FHIT: variants seen among roughly 807,000 people sequenced by gnomAD.
FHIT encodes fragile histidine triad diadenosine triphosphatase, also known as bis(5'-adenosyl)-triphosphatase.
A neutral mutation model predicts 17.9 loss-of-function variants in FHIT; 19 were observed. That is an observed-to-expected ratio of 1.06 (90% CI 0.74 to 1.56). The LOEUF is 1.56. Among genes scored for constraint, FHIT ranks in the 40% most tolerant of loss-of-function variants. FHIT has a pLI of 0.00. For missense variants in FHIT, 248 were observed against 189.2 expected, an observed-to-expected ratio of 1.31 and a Z score of -1.82; for synonymous variants, 81 against 69.7, an observed-to-expected ratio of 1.16 and a Z score of -0.81.
intron 4 of FHIT, among the ~76,000 whole-genome samples, chr3:60,569,533 T>G (rs1339452773): frequency 1.3e-5 from 2 of 151,646 alleles, no homozygotes; most frequent in African/African-American, 2.4e-5. Context: ...CCTTCATGTT[T>G]GAAGACACCA....
intron 8 of FHIT, among the ~76,000 whole-genome samples, chr3:59,757,731 A>C (rs1379942254): frequency 6.6e-6 from 1 of 152,182 alleles, no homozygotes; most frequent in East Asian, 1.9e-4. Flanking sequence ...CATTATTATC[A>C]CTTTTATAAA....
At chr3:60,467,003 A>C (rs1267246089) in intron 5 of FHIT, among the ~76,000 whole-genome samples, 2 of 151,766 alleles carry the variant, frequency 1.3e-5, no homozygotes, top group African/African-American at 2.4e-5. Context: ...CATCAAATCT[A>C]GCGCTTTTCT....
At chr3:60,128,303 T>TG (rs1487546676) in intron 5 of FHIT, among the ~76,000 whole-genome samples, 1 of 152,148 alleles carries the variant, frequency 6.6e-6, no homozygotes, top group Admixed American at 6.5e-5. Flanking sequence ...GCTATTCTTG[T>TG]GATAGTAAGT....
At chr3:60,592,064 T>TA (rs1372462885) in intron 4 of FHIT, among the ~76,000 whole-genome samples, 1 of 151,684 alleles carries the variant, frequency 6.6e-6, no homozygotes, top group African/African-American at 2.4e-5. Flanking sequence ...GAAAAGCTGT[T>TA]AAAGTGATTT....
At chr3:60,506,886 G>A (rs1051884158) in intron 5 of FHIT, among the ~76,000 whole-genome samples, 1 of 152,124 alleles carries the variant, frequency 6.6e-6, no homozygotes, top group African/African-American at 2.4e-5. Flanking sequence ...CCAGGTTGTT[G>A]CCCCATAAAA....
chr3:59,954,428 G>A (rs764608655), intron 7 of FHIT, among the ~76,000 whole-genome samples: 5 of 151,946 alleles, frequency 3.3e-5, no homozygotes, highest in Non-Finnish European at 5.9e-5. Context: ...AAAAAATCAC[G>A]GTCCCTGCTC....
chr3:61,244,919 G>A (rs775721691), intron 1 of FHIT, among the ~76,000 whole-genome samples: 7 of 152,116 alleles, frequency 4.6e-5, no homozygotes, highest in Non-Finnish European at 8.8e-5. Context: ...ATAAATCTGT[G>A]TGCTTTTCTC....
chr3:60,129,882 T>G, intron 5 of FHIT, among the ~76,000 whole-genome samples: 1 of 152,186 alleles, frequency 6.6e-6, no homozygotes, highest in East Asian at 1.9e-4. Context: ...GATGCTTAGA[T>G]TTCCATTCAA....
intron 4 of FHIT, among the ~76,000 whole-genome samples, chr3:60,555,804 G>C (rs190153313): frequency 6.6e-6 from 1 of 152,162 alleles, no homozygotes; most frequent in Non-Finnish European, 1.5e-5. Flanking sequence ...GACTGAGACC[G>C]GCACCTGAAT....
In FHIT at chr3:61,117,771, A is replaced by G. The variant is rs147487580; in HGVS notation, c.-163-75672T>C. On this transcript the variant is annotated intron_variant, in intron 2 of 9. Coordinates refer to ENST00000492590, the MANE Select transcript of FHIT (RefSeq NM_002012.4). ...CCCATTATTTTCTTCCTAGCACTTT[A>G]AAAAGGCTCTAATTATTTTCTCTTT... 1.6e-3 allele frequency among the ~76,000 whole-genome samples: 248 copies of G among 152,312 alleles called. 1 individual carries two copies. The highest frequency in any genetic ancestry group is 5.7e-3 in the African/African-American group (238 of 41,570).
chr3:60,861,173 C>CTATGATATATATGATATATATCATA (rs1311768723), intron 3 of FHIT, among the ~76,000 whole-genome samples: 1 of 1,190 alleles, frequency 8.4e-4, no homozygotes, highest in African/African-American at 1.4e-3. Flanking sequence ...ATCATATGTT[C>CTATGATATATATGATATATATCATA]TATGATATAT....
At chr3:60,245,243 T>A (rs911663465) in intron 5 of FHIT, among the ~76,000 whole-genome samples, 1 of 152,130 alleles carries the variant, frequency 6.6e-6, no homozygotes, top group African/African-American at 2.4e-5. Flanking sequence ...CCACTTTTAA[T>A]TTCCTTGTAG....
At chr3:61,207,741 C>T (rs1369659134) in intron 1 of FHIT, among the ~76,000 whole-genome samples, 2 of 152,096 alleles carry the variant, frequency 1.3e-5, no homozygotes, top group South Asian at 2.1e-4. Flanking sequence ...AGAGGTCTAT[C>T]AATTTTGTTG....
intron 1 of FHIT, among the ~76,000 whole-genome samples, chr3:61,231,256 C>G (rs536415593): frequency 1.3e-5 from 2 of 152,208 alleles, no homozygotes; most frequent in African/African-American, 4.8e-5. Flanking sequence ...TTTTGGAAGG[C>G]CAAGGTGGGA....
intron 4 of FHIT, among the ~76,000 whole-genome samples, chr3:60,792,502 T>C (rs1700818326): frequency 1.3e-5 from 2 of 152,214 alleles, no homozygotes; most frequent in Admixed American, 1.3e-4. Context: ...ATTACCAGCA[T>C]AAATAAACTG....
chr3:60,603,467 T>C (rs1444546822), intron 4 of FHIT, among the ~76,000 whole-genome samples: 2 of 152,148 alleles, frequency 1.3e-5, no homozygotes, highest in Admixed American at 6.5e-5. Context: ...TATTAAGAGA[T>C]GTTTAGAACG....
chr3:59,990,511 C>G (rs199790376), intron 7 of FHIT, among the ~76,000 whole-genome samples: 2 of 152,228 alleles, frequency 1.3e-5, no homozygotes, highest in East Asian at 3.9e-4. Flanking sequence ...AACCCGCTCT[C>G]ACCAGATCTC....
chr3:60,924,867 A>G (rs1707496746), intron 3 of FHIT, among the ~76,000 whole-genome samples: 1 of 152,166 alleles, frequency 6.6e-6, no homozygotes, highest in Admixed American at 6.5e-5. Context: ...TCCTTAAAGG[A>G]CCTGATGGAG....
intron 4 of FHIT, among the ~76,000 whole-genome samples, chr3:60,578,081 A>G (rs778149504): frequency 2.4e-4 from 36 of 152,130 alleles, no homozygotes; most frequent in Non-Finnish European, 4.6e-4. Context: ...CTGTTTCTAA[A>G]CCACAGCACA....
Sources: gnomAD v4.1 joint callset for allele counts (sites outside exome capture counted in the v4.1 genomes callset) on GRCh38, gnomAD v4.1.1 for gene constraint, MANE v1.5 for transcripts, NCBI Gene and HGNC (gene_info 2026-07-23, HGNC 2026-07-21) for gene names.